The following NAV3 variants were observed in gnomAD, a reference collection of about 807,000 sequenced individuals.
The protein encoded by NAV3 is neuron navigator 3.
A neutral mutation model predicts 244.7 loss-of-function variants in NAV3; 87 were observed. The ratio of observed to expected loss-of-function variants is 0.36; its 90% confidence interval spans 0.30 to 0.42. The LOEUF (loss-of-function observed/expected upper bound fraction) is 0.42. NAV3 is among the 20% of genes least tolerant of loss of function. NAV3 has a pLI of 1.00. For missense variants in NAV3, 2,663 were observed against 2,893.3 expected (o/e 0.92, Z 1.83); for synonymous variants, 1,126 against 1,042.2 (o/e 1.08, Z -1.55).
chr12:77,919,718 G>A (rs546311561), intron 1 of NAV3, among the ~76,000 whole-genome samples: 347 of 152,122 alleles, frequency 2.3e-3, no homozygotes, highest in African/African-American at 8.0e-3. Flanking sequence ...TATGAGAATA[G>A]GCATGCTTTC....
At chr12:77,774,807 C>G (rs1242893986) in intron 2 of NAV3, among the ~76,000 whole-genome samples, 1 of 152,178 alleles carries the variant, frequency 6.6e-6, no homozygotes. Context: ...ATTCTAATCT[C>G]TCTTAAAATA....
chr12:77,582,243 G>A (rs1869398093), intron 2 of NAV3, among the ~76,000 whole-genome samples: 1 of 152,160 alleles, frequency 6.6e-6, no homozygotes, highest in African/African-American at 2.4e-5. Flanking sequence ...TTAGAAGTAT[G>A]TTTAAAGGAC....
chr12:77,994,322 C>A (rs1267575333), intron 5 of NAV3, among the ~76,000 whole-genome samples: 1 of 152,188 alleles, frequency 6.6e-6, no homozygotes, highest in African/African-American at 2.4e-5. Flanking sequence ...AATCATTTGG[C>A]TTTCGAAATA....
chr12:78,206,288 ATAGT>A (rs1960300780), intron 39 of NAV3, among the ~76,000 whole-genome samples: 2 of 152,146 alleles, frequency 1.3e-5, no homozygotes, highest in Non-Finnish European at 2.9e-5. Context: ...TAGATGATTC[ATAGT>A]TAGGAATCAA....
intron 2 of NAV3, among the ~76,000 whole-genome samples, chr12:77,637,260 C>G (rs1592527965): frequency 2.0e-5 from 3 of 151,626 alleles, no homozygotes; most frequent in South Asian, 4.2e-4. Context: ...AAAAATTGAC[C>G]ATAGAATTTG....
Position 77,948,811 on chromosome 12 carries a change from T to C in NAV3, c.414+7678T>C, listed in dbSNP as rs956753479. Among the ~76,000 whole-genome samples the C allele has an allele frequency of 2.6e-5, 4 of 151,686 alleles. No homozygotes were observed. The Admixed American group carries it at 2.6e-4, about 10-fold the overall frequency. Reference sequence around the variant, plus strand: ...TTAAGATATTTGGCCATTTTCAATATGAATTGTAATACTCCTATCTGAAAA... The same window carrying C: ...TTAAGATATTTGGCCATTTTCAATACGAATTGTAATACTCCTATCTGAAAA... On this transcript the variant is annotated intron_variant, in intron 3 of 39. Coordinates refer to ENST00000397909, the MANE Select transcript of NAV3 (RefSeq NM_001024383.2).
In NAV3 at chr12:77,697,493, C is replaced by T. The variant is rs368451036; in HGVS notation, c.72+125227C>T. On this transcript the variant is annotated intron_variant, in intron 2 of 8. Transcript: ENST00000550042. The stretch of plus-strand genomic sequence containing the variant: ...AATCTATAAAATGAGTATGTTAATG[C>T]GCTGTTTGTGTGAGCTTTTTTGCCC... Among the ~76,000 whole-genome samples the T allele has an allele frequency of 8.5e-4, 130 of 152,210 alleles. No homozygotes were observed. The South Asian group carries it at 0.016, about 19-fold the overall frequency.
intron 15 of NAV3, among the ~76,000 whole-genome samples, chr12:78,121,477 G>A (rs146458034): frequency 4.3e-4 from 65 of 151,714 alleles, no homozygotes; most frequent in African/African-American, 1.4e-3. Flanking sequence ...TGCTTTAAGC[G>A]TTCCATCTAG....
intron 2 of NAV3, among the ~76,000 whole-genome samples, chr12:77,614,510 C>A (rs1871072335): frequency 6.6e-6 from 1 of 151,980 alleles, no homozygotes; most frequent in African/African-American, 2.4e-5. Flanking sequence ...TATTTTAAAT[C>A]GTTTATTCTT....
intron 1 of NAV3, among the ~76,000 whole-genome samples, chr12:77,839,491 C>T (rs1308713428): frequency 6.6e-6 from 1 of 152,082 alleles, no homozygotes; most frequent in East Asian, 1.9e-4. Flanking sequence ...ATGACTTTGG[C>T]AAGGCAGTTA....
At chr12:77,750,220 G>C (rs1592646044) in intron 2 of NAV3, among the ~76,000 whole-genome samples, 1 of 152,148 alleles carries the variant, frequency 6.6e-6, no homozygotes, top group East Asian at 1.9e-4. Context: ...AGGCATGGTG[G>C]TGGGTGCCTG....
At position 78,188,712 on chromosome 12, in the gene NAV3, T is replaced by A. The variant is rs758664303; in HGVS notation, c.5990T>A (p.Val1997Glu). The change falls in exon 33 of 40, where the codon GTG (valine) becomes GAG (glutamate). Residue 1997 changes from valine to glutamate, a missense_variant. Physicochemically the swap from Val to Glu is moderately radical, Grantham distance 121 (BLOSUM62 -2). Around this residue, in one of 6 missense-constraint regions of NAV3, gnomAD observed 543 missense variants for 672.4 expected, o/e 0.81. Coordinates refer to ENST00000397909, the MANE Select transcript of NAV3 (RefSeq NM_001024383.2). ...TTAATTAGATCCCATAACCTAGAAG[T>A]GCCTGAATTGCTGCCTTGTGGATAC... Reference protein sequence around the residue: ...GDLIRSHNLEVPELLPCGYLV... With the variant: ...GDLIRSHNLEEPELLPCGYLV... The A allele has an allele frequency of 1.9e-6, 3 of 1,612,508 alleles. No homozygotes were observed. Among genetic ancestry groups the A allele is most frequent in the Non-Finnish European group, 1.7e-6 (2 of 1,178,988 alleles).
chr12:78,100,825 A>C (rs1042393806), intron 12 of NAV3, among the ~76,000 whole-genome samples: 1 of 152,058 alleles, frequency 6.6e-6, no homozygotes, highest in Non-Finnish European at 1.5e-5. Flanking sequence ...TTTTACACTT[A>C]TTTTTACAAT....
At chr12:78,167,077 C>T (rs1274102643) in intron 23 of NAV3, among the ~76,000 whole-genome samples, 1 of 151,476 alleles carries the variant, frequency 6.6e-6, no homozygotes, top group East Asian at 1.9e-4. Context: ...AATAAATTTT[C>T]AGTGAATATT....
intron 12 of NAV3, among the ~76,000 whole-genome samples, chr12:78,064,273 A>G (rs300413): frequency 0.17 from 25,638 of 152,100 alleles, 2,303 homozygotes; most frequent in South Asian, 0.23. Flanking sequence ...CTAGAAGTTT[A>G]TGATCAAGGT....
chr12:77,873,779 C>A (rs1369848246), intron 1 of NAV3, among the ~76,000 whole-genome samples: 2 of 98,598 alleles, frequency 2.0e-5, no homozygotes, highest in African/African-American at 3.5e-5. Context: ...TATATAACAG[C>A]ATATGCATTA....
At chr12:77,676,646 A>G (rs1025650750) in intron 2 of NAV3, among the ~76,000 whole-genome samples, 7 of 151,726 alleles carry the variant, frequency 4.6e-5, no homozygotes, top group African/African-American at 1.5e-4. Flanking sequence ...ATAGGCATAC[A>G]TGTGCCAGGG....
chr12:78,144,338 G>A (rs975173194), intron 20 of NAV3, among the ~76,000 whole-genome samples: 3 of 151,928 alleles, frequency 2.0e-5, no homozygotes, highest in African/African-American at 7.3e-5. Context: ...ATTCAGTCAA[G>A]TGTTTCATAT....
At chr12:77,992,135 C>T (rs1303999721) in intron 5 of NAV3, among the ~76,000 whole-genome samples, 1 of 152,134 alleles carries the variant, frequency 6.6e-6, no homozygotes, top group African/African-American at 2.4e-5. Flanking sequence ...ACCTTTGCTT[C>T]CTTCACCTAT....
Sources: gnomAD v4.1 joint callset for allele counts (sites outside exome capture counted in the v4.1 genomes callset) on GRCh38, gnomAD v4.1.1 for gene constraint, gnomAD v4.1.1 regional missense constraint, MANE v1.5 for transcripts, NCBI Gene and HGNC (gene_info 2026-07-23, HGNC 2026-07-21) for gene names.